Variants in NLGN1 observed in about 807,000 individuals in gnomAD.
NLGN1 encodes neuroligin-1.
In NLGN1, 12 loss-of-function variants were observed where a neutral mutation model predicts 65.5. The ratio of observed to expected loss-of-function variants is 0.18; its 90% CI spans 0.12 to 0.30. NLGN1 has a LOEUF of 0.30. Ranked by LOEUF, NLGN1 falls within the 10% of genes least tolerant of loss-of-function variation. NLGN1 has a pLI of 1.00. For synonymous variants in NLGN1, 350 were observed against 359.5 expected, an observed-to-expected ratio of 0.97 and a Z score of 0.30; for missense variants, 750 against 1,007.1, an observed-to-expected ratio of 0.74 and a Z score of 3.46.
In NLGN1 at chr3:174,065,136, A is replaced by C. The variant is rs149327552; in HGVS notation, c.647-210179A>C. Among the ~76,000 whole-genome samples, 98 of 152,086 alleles carry C rather than the reference A, an allele frequency of 6.4e-4. 1 individual carries two copies. The East Asian group carries it at 0.017, about 26-fold the overall frequency. On this transcript the variant is annotated intron_variant, in intron 4 of 6. Transcript: ENST00000457714. Reference sequence around the variant, plus strand: ...GAAAGACTACTATCTGTTTTAAAATAATAATATGTTATGGGTTTTTCCATA... The same window carrying C: ...GAAAGACTACTATCTGTTTTAAAATCATAATATGTTATGGGTTTTTCCATA...
chr3:173,804,079 C>A (rs1254963058), intron 3 of NLGN1, among the ~76,000 whole-genome samples: 1 of 152,088 alleles, frequency 6.6e-6, no homozygotes, highest in African/African-American at 2.4e-5. Flanking sequence ...TTGACACTTG[C>A]TACATTGGCT....
At chr3:173,984,106 T>C (rs1719375277) in intron 4 of NLGN1, among the ~76,000 whole-genome samples, 1 of 152,168 alleles carries the variant, frequency 6.6e-6, no homozygotes, top group East Asian at 1.9e-4. Flanking sequence ...AATTATCTGG[T>C]TAAGTGGCTC....
At chr3:174,009,452 T>C (rs1319653414) in intron 4 of NLGN1, among the ~76,000 whole-genome samples, 1 of 152,152 alleles carries the variant, frequency 6.6e-6, no homozygotes, top group East Asian at 1.9e-4. Flanking sequence ...TTATCTCCTT[T>C]CATCTTTACA....
At chr3:174,154,969 T>TATGTAATATATA (rs1725091480) in intron 4 of NLGN1, among the ~76,000 whole-genome samples, 2 of 137,738 alleles carry the variant, frequency 1.5e-5, no homozygotes, top group East Asian at 4.0e-4. Context: ...TATATAATTA[T>TATGTAATATATA]ATATAATATA....
intron 4 of NLGN1, among the ~76,000 whole-genome samples, chr3:173,997,511 T>A (rs890068995): frequency 1.8e-4 from 27 of 152,180 alleles, no homozygotes; most frequent in African/African-American, 6.5e-4. Context: ...GGGCTCATAG[T>A]CCCTAGTCCT....
At chr3:174,266,410 A>G (rs112294140) in intron 4 of NLGN1, among the ~76,000 whole-genome samples, 3 of 152,168 alleles carry the variant, frequency 2.0e-5, no homozygotes, top group African/African-American at 4.8e-5. Flanking sequence ...ATGGCTGCAT[A>G]TATTTCCACA....
At chr3:173,771,218 A>G (rs1351051079) in intron 3 of NLGN1, among the ~76,000 whole-genome samples, 1 of 152,188 alleles carries the variant, frequency 6.6e-6, no homozygotes, top group Non-Finnish European at 1.5e-5. Context: ...TCTTCCCATT[A>G]TATGATAACA....
At chr3:173,466,961 T>C (rs1225680310) in intron 2 of NLGN1, among the ~76,000 whole-genome samples, 1 of 152,168 alleles carries the variant, frequency 6.6e-6, no homozygotes, top group African/African-American at 2.4e-5. Flanking sequence ...TGTTGCCTTC[T>C]TTATTTTTAT....
chr3:173,509,882 T>C (rs924043077), intron 2 of NLGN1, among the ~76,000 whole-genome samples: 4 of 152,194 alleles, frequency 2.6e-5, no homozygotes, highest in African/African-American at 4.8e-5. Context: ...TTGATATCTT[T>C]TGCACCAACA....
intron 4 of NLGN1, among the ~76,000 whole-genome samples, chr3:174,222,779 T>G (rs961579765): frequency 6.6e-6 from 1 of 152,174 alleles, no homozygotes; most frequent in African/African-American, 2.4e-5. Context: ...CACCACTGGC[T>G]CATTTATTTC....
chr3:173,484,844 T>C (rs1727900435), intron 2 of NLGN1, among the ~76,000 whole-genome samples: 1 of 152,076 alleles, frequency 6.6e-6, no homozygotes, highest in Admixed American at 6.6e-5. Flanking sequence ...TGTGATGCTT[T>C]TGTTTCTTAG....
intron 3 of NLGN1, among the ~76,000 whole-genome samples, chr3:173,730,136 T>A (rs530918664): frequency 5.0e-4 from 76 of 151,378 alleles, no homozygotes; most frequent in African/African-American, 1.6e-3. Context: ...TATATGCTTA[T>A]ATATTATTAT....
chr3:173,529,798 G>A (rs1180049145), intron 2 of NLGN1, among the ~76,000 whole-genome samples: 1 of 151,922 alleles, frequency 6.6e-6, no homozygotes, highest in African/African-American at 2.4e-5. Context: ...AGAAGGGGAG[G>A]ATACCTTTCA....
In NLGN1 at chr3:174,076,724, AGTGTGTGT is replaced by A. The variant is rs143103332; in HGVS notation, c.647-198560_647-198553del. Among the ~76,000 whole-genome samples the A allele has an allele frequency of 5.4e-3, 442 of 82,018 alleles. 6 individuals are homozygous for A. Among genetic ancestry groups the A allele is most frequent in the African/African-American group, 7.9e-3 (150 of 18,994 alleles). The allele number at this position is 82,018 out of a possible 152,430, so 53.8% of individuals were successfully genotyped here. ...GAGAGAGAGAGAGAGAGAGAGAGAG[AGTGTGTGT>A]GTGTGTGTGTGTGTGTGTGTGTGTG... is the stretch of plus-strand genomic sequence containing the variant. On this transcript the variant is annotated intron_variant, in intron 4 of 6. Transcript: ENST00000457714.
intron 2 of NLGN1, among the ~76,000 whole-genome samples, chr3:173,600,708 T>C (rs1750382512): frequency 6.6e-6 from 1 of 151,680 alleles, no homozygotes; most frequent in Non-Finnish European, 1.5e-5. Context: ...ACATTTCATC[T>C]TGCATTAGAG....
chr3:173,457,152 G>A (rs1722637185), intron 2 of NLGN1, among the ~76,000 whole-genome samples: 1 of 152,012 alleles, frequency 6.6e-6, no homozygotes, highest in African/African-American at 2.4e-5. Flanking sequence ...ATGAGTTGAG[G>A]AGGACATTAG....
chr3:174,209,371 T>TAG (rs1736018870), intron 4 of NLGN1, among the ~76,000 whole-genome samples: 1 of 152,186 alleles, frequency 6.6e-6, no homozygotes, highest in African/African-American at 2.4e-5. Flanking sequence ...GATCAGTGTA[T>TAG]AGAGCATCAC....
intron 3 of NLGN1, among the ~76,000 whole-genome samples, chr3:173,612,956 A>G (rs1752535893): frequency 1.3e-5 from 2 of 152,106 alleles, no homozygotes; most frequent in Non-Finnish European, 2.9e-5. Flanking sequence ...CCAATGGTCA[A>G]TATTTTAGAA....
intron 3 of NLGN1, among the ~76,000 whole-genome samples, chr3:173,610,050 G>T (rs796068217): frequency 1.6e-4 from 24 of 151,828 alleles, no homozygotes; most frequent in Admixed American, 1.5e-3. Flanking sequence ...ATTGAGAGTA[G>T]GTTGTAGGAG....
Sources: gnomAD v4.1 joint callset for allele counts (sites outside exome capture counted in the v4.1 genomes callset) on GRCh38, gnomAD v4.1.1 for gene constraint, MANE v1.5 for transcripts, NCBI Gene and HGNC (gene_info 2026-07-23, HGNC 2026-07-21) for gene names.